Variants in CRMP1 observed in about 807,000 individuals in gnomAD.
CRMP1 encodes the protein dihydropyrimidinase-related protein 1.
A neutral mutation model predicts 68.3 loss-of-function variants in CRMP1; 19 were observed. The ratio of observed to expected loss-of-function variants is 0.28; its 90% CI spans 0.19 to 0.41. CRMP1 has a LOEUF of 0.41. Ranked by LOEUF, CRMP1 falls within the 10% of genes least tolerant of loss-of-function variation. The pLI, the probability that CRMP1 is intolerant of heterozygous loss-of-function variation, is 1.00. For synonymous variants in CRMP1, 439 were observed against 399.6 expected (o/e 1.10, Z -1.18); for missense variants, 791 against 967.4 (o/e 0.82, Z 2.42).
At position 5,854,504 on chromosome 4, in the gene CRMP1, C is replaced by T. The variant is rs907167359; in HGVS notation, c.820+1639G>A. ...AAGCAATCCTCCCTCCTCAGCCTCC[C>T]GAAGTGCTAGGATTACAGGCATGAG... On this transcript the variant is annotated intron_variant, in intron 4 of 13. Transcript: ENST00000324989. The surrounding 1 kb of genome is among the most constrained non-coding windows in gnomAD (Gnocchi z 4.0). 6.6e-6 allele frequency among the ~76,000 whole-genome samples: 1 copy of T among 150,870 alleles called. No homozygotes were observed. The highest frequency in any genetic ancestry group is 2.4e-5 in the African/African-American group (1 of 41,020).
chr4:5,830,945 G>A (rs1264935114), intron 11 of CRMP1, among the ~76,000 whole-genome samples: 1 of 152,064 alleles, frequency 6.6e-6, no homozygotes, highest in Admixed American at 6.6e-5. Flanking sequence ...TAAGTCTTTA[G>A]TTTTTTATTT....
intron 13 of CRMP1, chr4:5,824,276 A>G (rs748000895): frequency 2.4e-5 from 24 of 984,912 alleles, no homozygotes; most frequent in Non-Finnish European, 2.9e-5. Context: ...TTGCTGATTG[A>G]GCATCACATG....
At chr4:5,852,556 C>G (rs573033764) in intron 4 of CRMP1, among the ~76,000 whole-genome samples, 1 of 152,316 alleles carries the variant, frequency 6.6e-6, no homozygotes, top group Non-Finnish European at 1.5e-5. Flanking sequence ...TACTGAGAGC[C>G]TGCTGTATGC....
chr4:5,888,256 TG>T lies in CRMP1; in HGVS notation c.381+4332del. 1 of 1,288,326 alleles carries T rather than the reference TG, an allele frequency of 7.8e-7. No homozygotes were observed. The highest frequency in any genetic ancestry group is 9.9e-7 in the Non-Finnish European group (1 of 1,011,368). The allele number at this position is 1,288,326 out of a possible 1,614,324, so 79.8% of individuals were successfully genotyped here. A position where few individuals can be genotyped will look rare whatever the true frequency, so the allele number is the denominator to read the frequency against. On this transcript the variant is annotated intron_variant, in intron 1 of 13. Coordinates refer to ENST00000324989, the MANE Select transcript of CRMP1 (RefSeq NM_001014809.3). This position sits in a 1 kb window ranked among gnomAD's most constrained non-coding sequence, Gnocchi z 6.4. Reference sequence around the variant, plus strand: ...GATGTGCGGGATGCTCTTCTTGCCCTGGTACGACATGGCCCCCTCTGGCGCC... The same window carrying T: ...GATGTGCGGGATGCTCTTCTTGCCCTGTACGACATGGCCCCCTCTGGCGCC...
At chr4:5,839,903 C>T (rs776873876) in intron 8 of CRMP1, among the ~76,000 whole-genome samples, 1 of 152,216 alleles carries the variant, frequency 6.6e-6, no homozygotes, top group Non-Finnish European at 1.5e-5. Flanking sequence ...ATGGGGCGTA[C>T]GGCAGCTGAC....
At chr4:5,824,552 G>T (rs1719228139) in intron 13 of CRMP1, 1 of 982,350 alleles carries the variant, frequency 1.0e-6, no homozygotes, top group Non-Finnish European at 1.2e-6. Flanking sequence ...TCCTGACCAG[G>T]AATTAGCAAA....
intron 5 of CRMP1, among the ~76,000 whole-genome samples, chr4:5,849,777 T>C (rs1184741767): frequency 6.6e-6 from 1 of 152,212 alleles, no homozygotes; most frequent in East Asian, 1.9e-4. Flanking sequence ...GCTGTCTTTT[T>C]GGGTTGGCTT....
At chr4:5,848,949 G>A (rs561789881) in intron 6 of CRMP1, among the ~76,000 whole-genome samples, 1 of 152,296 alleles carries the variant, frequency 6.6e-6, no homozygotes, top group African/African-American at 2.4e-5. Flanking sequence ...TGTGCATTAA[G>A]TTTTCAACAT....
At chr4:5,832,743 G>C (rs1720462621) in intron 11 of CRMP1, among the ~76,000 whole-genome samples, 2 of 152,172 alleles carry the variant, frequency 1.3e-5, no homozygotes, top group South Asian at 4.1e-4. Flanking sequence ...GCTTCCCCAA[G>C]TTTACCCTGA....
At chr4:5,827,789 A>T (rs888438596) in intron 12 of CRMP1, among the ~76,000 whole-genome samples, 3 of 151,926 alleles carry the variant, frequency 2.0e-5, no homozygotes, top group Non-Finnish European at 4.4e-5. Context: ...CAGCTGTCTC[A>T]TGGGGAAAGC....
In CRMP1 at chr4:5,866,787, T is replaced by G; in HGVS notation, c.382-31A>C. The G allele has an allele frequency of 6.7e-7, 1 of 1,501,302 alleles. No homozygotes were observed. Among genetic ancestry groups the G allele is most frequent in the Non-Finnish European group, 9.1e-7 (1 of 1,103,658 alleles). The allele number at this position is 1,501,302 out of a possible 1,614,324, so 93.0% of individuals were successfully genotyped here. The stretch of plus-strand genomic sequence containing the variant: ...AAGCAAGGCAAAGTATTAAGGATCC[T>G]TGGTGAAAAGCCAGGATAAAGTTTT... On this transcript the variant is annotated intron_variant, in intron 1 of 13. Coordinates refer to ENST00000324989, the MANE Select transcript of CRMP1 (RefSeq NM_001014809.3). The surrounding 1 kb of genome is among the most constrained non-coding windows in gnomAD (Gnocchi z 5.9).
In CRMP1 at chr4:5,866,882, C is replaced by A; in HGVS notation, c.382-126G>T. On this transcript the variant is annotated intron_variant, in intron 1 of 13. Transcript: ENST00000324989. The surrounding 1 kb of genome is among the most constrained non-coding windows in gnomAD (Gnocchi z 5.9). ...GTAAAGGCATTTAACTTCCCCCGCC[C>A]CAGATCCATCACCAGCTTCAATACT... is the stretch of plus-strand genomic sequence containing the variant. 1 of 597,518 alleles carries A rather than the reference C, an allele frequency of 1.7e-6. No individual in the cohort carries two copies. The highest frequency in any genetic ancestry group is 2.9e-6 in the Non-Finnish European group (1 of 345,554). The allele number at this position is 597,518 out of a possible 1,614,324, so 37.0% of individuals were successfully genotyped here. A position where few individuals can be genotyped will look rare whatever the true frequency, so the allele number is the denominator to read the frequency against.
chr4:5,849,526 C>A, intron 5 of CRMP1, 54 bp from the exon 6 acceptor site: 10 of 1,155,422 alleles, frequency 8.7e-6, no homozygotes, highest in Non-Finnish European at 1.3e-5. Flanking sequence ...AAAAAAATCA[C>A]AGCGTGTGCA....
At chr4:5,837,250 G>C (rs1395621327) in intron 9 of CRMP1, among the ~76,000 whole-genome samples, 1 of 152,104 alleles carries the variant, frequency 6.6e-6, no homozygotes, top group Admixed American at 6.5e-5. Context: ...AGTTCACTGG[G>C]ATTTACCCTT....
In CRMP1 at chr4:5,888,691, T is replaced by C. The variant is rs1179481444; in HGVS notation, c.381+3898A>G. On this transcript the variant is annotated intron_variant, in intron 1 of 13. Transcript: ENST00000324989. The surrounding 1 kb of genome is among the most constrained non-coding windows in gnomAD (Gnocchi z 6.4). Reference sequence around the variant, plus strand: ...CTGCGCACACGCCCTTGGCGGGCCCTGGCCTCGCTCTCGCGATCCAGAGAG... The same window carrying C: ...CTGCGCACACGCCCTTGGCGGGCCCCGGCCTCGCTCTCGCGATCCAGAGAG... 2 of 861,018 alleles carry C rather than the reference T, an allele frequency of 2.3e-6. No individual in the cohort carries two copies. The highest frequency in any genetic ancestry group is 4.1e-5 in the African/African-American group (2 of 48,332). 53.3% of individuals were successfully genotyped at this position (861,018 alleles called of 1,614,324 possible).
rs141972838 is a variant in CRMP1, at chr4:5,855,473, C to T, written c.820+670G>A. 6.6e-6 allele frequency among the ~76,000 whole-genome samples: 1 copy of T among 152,092 alleles called. No individual in the cohort carries two copies. Among genetic ancestry groups the T allele is most frequent in the African/African-American group, 2.4e-5 (1 of 41,388 alleles). ...TTTGTGTCTTCTGATCAGTTCCCCCCAGTTCGATGTAACACACACCATAAA... is the reference window on the plus strand; with the variant it reads ...TTTGTGTCTTCTGATCAGTTCCCCCTAGTTCGATGTAACACACACCATAAA... On this transcript the variant is annotated intron_variant, in intron 4 of 13. Transcript: ENST00000324989. This position sits in a 1 kb window ranked among gnomAD's most constrained non-coding sequence, Gnocchi z 4.9.
chr4:5,887,590 C>T, intron 1 of CRMP1: 3 of 985,002 alleles, frequency 3.0e-6, no homozygotes, highest in Non-Finnish European at 2.4e-6. Flanking sequence ...CCGTCCCCAC[C>T]CTCTCGCGGC....
Position 5,825,733 on chromosome 4 carries a change from C to T in CRMP1, c.1804-74G>A, listed in dbSNP as rs1317560507. The stretch of plus-strand genomic sequence containing the variant: ...CCCTTCTGGGCAGATAAAGCAGAGC[C>T]CTGCGGGCGAGAGAGAAACCTGAGG... On this transcript the variant is annotated intron_variant, in intron 12 of 13. Transcript: ENST00000324989. The surrounding 1 kb of genome is among the most constrained non-coding windows in gnomAD (Gnocchi z 4.4). 3.3e-6 allele frequency: 5 copies of T among 1,517,388 alleles called. No homozygotes were observed. Among genetic ancestry groups the T allele is most frequent in the Middle Eastern group, 1.7e-4 (1 of 5,874 alleles). The allele number at this position is 1,517,388 out of a possible 1,614,324, so 94.0% of individuals were successfully genotyped here. A position where few individuals can be genotyped will look rare whatever the true frequency, so the allele number is the denominator to read the frequency against.
chr4:5,875,398 G>GAAAAAAAAAAAAAAAAA (rs10561614), intron 1 of CRMP1, among the ~76,000 whole-genome samples: 1 of 137,578 alleles, frequency 7.3e-6, no homozygotes, highest in Non-Finnish European at 1.6e-5. Context: ...CTAGATTTTA[G>GAAAAAAAAAAAAAAAAA]AAAAAAAAAA....
Sources: allele counts gnomAD v4.1 joint callset (sites outside exome capture counted in the v4.1 genomes callset), GRCh38; gene constraint gnomAD v4.1.1; non-coding constraint Gnocchi (gnomAD v3.1); transcripts MANE v1.5; gene names NCBI Gene and HGNC (gene_info 2026-07-23, HGNC 2026-07-21).